The following DLG1 variants were observed in gnomAD, a reference collection of about 807,000 sequenced individuals.
The protein encoded by DLG1 is disks large homolog 1.
In DLG1, 42 loss-of-function variants were observed where a neutral mutation model predicts 123.4. The ratio of observed to expected loss-of-function variants is 0.34; its 90% CI spans 0.27 to 0.44. The LOEUF is 0.44. Among genes scored for constraint, DLG1 ranks in the 20% least tolerant of loss-of-function variants. The pLI is 1.00. For missense variants in DLG1, 942 were observed against 1,082.6 expected, an observed-to-expected ratio of 0.87 and a Z score of 1.82; for synonymous variants, 317 against 356.2, an observed-to-expected ratio of 0.89 and a Z score of 1.24.
At chr3:197,220,069 A>G (rs1009928215) in intron 4 of DLG1, among the ~76,000 whole-genome samples, 3 of 152,242 alleles carry the variant, frequency 2.0e-5, no homozygotes, top group Non-Finnish European at 4.4e-5. Context: ...TTCTAAATTA[A>G]TAAGAGAAAA....
chr3:197,225,872 T>C (rs1361257452), intron 4 of DLG1: 1 of 152,628 alleles, frequency 6.6e-6, no homozygotes, highest in African/African-American at 2.4e-5. Flanking sequence ...ATCCAAACAT[T>C]AAGGATATTG....
chr3:197,256,798 C>G (rs1757084670), intron 4 of DLG1, among the ~76,000 whole-genome samples: 1 of 152,078 alleles, frequency 6.6e-6, no homozygotes, highest in South Asian at 2.1e-4. Flanking sequence ...AAATGAGGAG[C>G]TAAGACTAAA....
rs561342051 is a variant in DLG1 at position 197,249,671 on chromosome 3, A to G, written c.318+33008T>C. ...AATTAGATGCAAAATCTTCAACAAA[A>G]TATTAGCAAACCAGATTCAACCACA... On this transcript the variant is annotated intron_variant, in intron 4 of 24. Transcript: ENST00000667157. Among the ~76,000 whole-genome samples, 17 of 152,338 alleles carry G rather than the reference A, an allele frequency of 1.1e-4. No homozygotes were observed. The East Asian group carries it at 3.1e-3, about 28-fold the overall frequency.
rs563514766 is a variant in DLG1, at chr3:197,085,401, G to A, written c.1838+179C>T. ...CCACCATTCTTCTCTGTATGACTTC[G>A]ACTACTTTAGATTTCACATAAAAAT... is the stretch of plus-strand genomic sequence containing the variant. On this transcript the variant is annotated intron_variant, in intron 16 of 24. Coordinates refer to ENST00000667157, the MANE Select transcript of DLG1 (RefSeq NM_001366207.1). The A allele has an allele frequency of 1.6e-5, 10 of 609,976 alleles. No homozygotes were observed. In the East Asian group the frequency reaches 2.7e-4, roughly 16 times the overall value. 37.8% of individuals were successfully genotyped at this position (609,976 alleles called of 1,614,324 possible).
chr3:197,278,118 C>G (rs1385210466), intron 4 of DLG1, among the ~76,000 whole-genome samples: 22 of 151,264 alleles, frequency 1.5e-4, no homozygotes, highest in Non-Finnish European at 1.5e-5. Context: ...AACCCCATCT[C>G]TACAAAAATA....
At chr3:197,273,146 A>C (rs1764629700) in intron 4 of DLG1, among the ~76,000 whole-genome samples, 1 of 151,004 alleles carries the variant, frequency 6.6e-6, no homozygotes, top group Non-Finnish European at 1.5e-5. Flanking sequence ...ATTTTTTGTC[A>C]ATGTTTAGAG....
At chr3:197,137,998 A>G (rs1287394941) in intron 9 of DLG1, among the ~76,000 whole-genome samples, 4 of 151,942 alleles carry the variant, frequency 2.6e-5, no homozygotes, top group African/African-American at 9.7e-5. Flanking sequence ...AAACCCCGCA[A>G]AAAAAGGAAC....
chr3:197,100,241 G>A (rs1166665545), intron 14 of DLG1, among the ~76,000 whole-genome samples: 3 of 152,170 alleles, frequency 2.0e-5, no homozygotes, highest in Non-Finnish European at 2.9e-5. Context: ...TTCTCCCTTT[G>A]GTTGGTATAA....
intron 23 of DLG1, among the ~76,000 whole-genome samples, chr3:197,056,860 G>T (rs1290923023): frequency 6.6e-6 from 1 of 152,178 alleles, no homozygotes; most frequent in Non-Finnish European, 1.5e-5. Context: ...TGACTTCTAT[G>T]AGCAATTATT....
At chr3:197,238,080 G>A (rs1410713862) in intron 4 of DLG1, among the ~76,000 whole-genome samples, 1 of 152,124 alleles carries the variant, frequency 6.6e-6, no homozygotes, top group African/African-American at 2.4e-5. Context: ...TCTCTCTTAG[G>A]TGTGGAAGGA....
intron 4 of DLG1, among the ~76,000 whole-genome samples, chr3:197,266,693 G>T (rs1409476738): frequency 6.6e-6 from 1 of 151,982 alleles, no homozygotes; most frequent in African/African-American, 2.4e-5. Context: ...ATAAAAAACT[G>T]ACTGAGATTA....
Position 197,252,868 on chromosome 3 carries a change from G to A in DLG1, c.318+29811C>T, listed in dbSNP as rs978170321. On this transcript the variant is annotated intron_variant, in intron 4 of 24. Transcript: ENST00000667157. ...TGGTTAGAATAATCGTCCTCTTTGCGCAGTGGGCAGCATGTCAGTCTCATA... is the reference window on the plus strand; with the variant it reads ...TGGTTAGAATAATCGTCCTCTTTGCACAGTGGGCAGCATGTCAGTCTCATA... Among the ~76,000 whole-genome samples, 10 of 152,012 alleles carry A rather than the reference G, an allele frequency of 6.6e-5. 1 individual carries two copies. The highest frequency in any genetic ancestry group is 2.6e-4 in the Admixed American group (4 of 15,260).
At position 197,104,974 on chromosome 3, in the gene DLG1, T is replaced by C. The variant is rs1275889907; in HGVS notation, c.1475A>G (p.His492Arg). The change falls in exon 14 of 25, where the codon CAT becomes CGT. Residue 492 changes from histidine to arginine, a missense_variant. Coordinates refer to ENST00000667157, the MANE Select transcript of DLG1 (RefSeq NM_001366207.1). ...TTTCAATGCAGCTGCTGCCTGCTCA[T>C]GACTAGCAGCTCTGAGGTCAACACT... ...VNSVDLRAAS[H>R]EQAAAALKNA... 1.9e-6 allele frequency: 3 copies of C among 1,613,054 alleles called. No homozygotes were observed. Among genetic ancestry groups the C allele is most frequent in the South Asian group, 2.2e-5 (2 of 90,866 alleles).
chr3:197,289,283 T>A (rs904693522), intron 3 of DLG1, among the ~76,000 whole-genome samples: 17 of 152,164 alleles, frequency 1.1e-4, no homozygotes, highest in African/African-American at 4.1e-4. Context: ...AAATAACTGT[T>A]TTACTTAGAA....
At chr3:197,232,528 A>AC (rs1460076686) in intron 4 of DLG1, among the ~76,000 whole-genome samples, 1 of 152,132 alleles carries the variant, frequency 6.6e-6, no homozygotes, top group Non-Finnish European at 1.5e-5. Context: ...TTCATGGAGG[A>AC]AACAAAACTT....
chr3:197,199,047 T>C (rs550875327), intron 4 of DLG1, among the ~76,000 whole-genome samples: 6 of 152,316 alleles, frequency 3.9e-5, no homozygotes, highest in Admixed American at 1.3e-4. Flanking sequence ...AATTTTACAC[T>C]ATATGAGTAC....
rs760000427 is a variant in DLG1, at chr3:197,298,603, C to T, written c.-99G>A. On this transcript the variant is annotated 5_prime_UTR_variant, in exon 1 of 25. Coordinates refer to ENST00000667157, the MANE Select transcript of DLG1 (RefSeq NM_001366207.1). ...CCGCGGCAGAGACAGCGCCTGGCGA[C>T]CCCGGGGGTAGATCCCCACCGGGGA... The T allele has an allele frequency of 3.3e-5, 13 of 398,450 alleles. No homozygotes were observed. Among genetic ancestry groups the T allele is most frequent in the Non-Finnish European group, 4.4e-5 (10 of 226,102 alleles). The allele number at this position is 398,450 out of a possible 1,614,324, so 24.7% of individuals were successfully genotyped here. A position where few individuals can be genotyped will look rare whatever the true frequency, so the allele number is the denominator to read the frequency against.
intron 11 of DLG1, among the ~76,000 whole-genome samples, chr3:197,128,923 C>A (rs1781142127): frequency 6.6e-6 from 1 of 152,046 alleles, no homozygotes; most frequent in African/African-American, 2.4e-5. Context: ...GATATGCTGT[C>A]ATTCAGGCTT....
intron 17 of DLG1, among the ~76,000 whole-genome samples, chr3:197,077,555 C>A (rs1471243904): frequency 6.6e-6 from 1 of 152,170 alleles, no homozygotes; most frequent in Non-Finnish European, 1.5e-5. Context: ...GGCACCACGT[C>A]CTTCATAGGG....
Sources: allele counts gnomAD v4.1 joint callset (sites outside exome capture counted in the v4.1 genomes callset), GRCh38; gene constraint gnomAD v4.1.1; transcripts MANE v1.5; gene names NCBI Gene and HGNC (gene_info 2026-07-23, HGNC 2026-07-21).